GTF2B: variants seen among roughly 807,000 people sequenced by gnomAD.
GTF2B encodes general transcription factor IIB, also known as transcription initiation factor IIB.
In GTF2B, 20 loss-of-function variants were observed where a neutral mutation model predicts 34.6. That is an observed-to-expected ratio of 0.58 (90% confidence interval 0.41 to 0.84). GTF2B has a LOEUF of 0.84. Ranked by LOEUF, GTF2B falls within the 40% of genes least tolerant of loss-of-function variation. The pLI is 0.00. For missense variants in GTF2B, 237 were observed against 393.3 expected, an observed-to-expected ratio of 0.60 and a Z score of 3.36; for synonymous variants, 142 against 132.4, an observed-to-expected ratio of 1.07 and a Z score of -0.50.
At chr1:88,890,713 G>A (rs1674179538) in intron 1 of GTF2B, among the ~76,000 whole-genome samples, 1 of 152,174 alleles carries the variant, frequency 6.6e-6, no homozygotes, top group African/African-American at 2.4e-5. Flanking sequence ...ATTAGGGTCT[G>A]CAAGCATTTT....
chr1:88,869,756 A>T (rs189769723), intron 2 of GTF2B, among the ~76,000 whole-genome samples: 7 of 152,000 alleles, frequency 4.6e-5, no homozygotes, highest in African/African-American at 1.7e-4. Flanking sequence ...GCTTCCAAGT[A>T]GCTGGGATTA....
chr1:88,881,051 TG>T (rs112248948), intron 2 of GTF2B, among the ~76,000 whole-genome samples: 2,700 of 148,972 alleles, frequency 0.018, 84 homozygotes, highest in African/African-American at 0.064. Flanking sequence ...AAGGTACAAT[TG>T]GTCAGACATG....
intron 2 of GTF2B, among the ~76,000 whole-genome samples, chr1:88,865,516 G>GT (rs1321923425): frequency 1.3e-5 from 2 of 152,068 alleles, no homozygotes; most frequent in African/African-American, 4.8e-5. Context: ...GAGGTCAGGA[G>GT]TTTGAGACCA....
chr1:88,879,580 T>C (rs1292150985), intron 2 of GTF2B, among the ~76,000 whole-genome samples: 1 of 120,506 alleles, frequency 8.3e-6, no homozygotes, highest in Non-Finnish European at 1.9e-5. Flanking sequence ...TGAGATTCCA[T>C]CTTAAAAAAA....
intron 2 of GTF2B, among the ~76,000 whole-genome samples, chr1:88,870,140 A>G (rs1169794684): frequency 6.7e-6 from 1 of 148,684 alleles, no homozygotes; most frequent in African/African-American, 2.5e-5. Context: ...GTTAACCAGG[A>G]TGGTCTCGAT....
intron 3 of GTF2B, among the ~76,000 whole-genome samples, chr1:88,862,326 T>C (rs1483513506): frequency 2.6e-5 from 4 of 152,070 alleles, no homozygotes; most frequent in African/African-American, 9.7e-5. Flanking sequence ...GTGGATCACT[T>C]GAGCCCAAGA....
In GTF2B at chr1:88,857,327, A is replaced by G; in HGVS notation, c.696T>C (p.Ala232=). The stretch of plus-strand genomic sequence containing the variant: ...CCACAGCTTTACGGGCTATATGTGT[A>G]GCTGCCATCTGTACTTGTTTAGGAA... ...LCLPKQVQMA[A]THIARKAVEL... is the part of the protein sequence containing the mutation. Residue 232 remains alanine, a synonymous_variant, in exon 6 of 7, where the codon GCT becomes GCC. Coordinates refer to ENST00000370500, the MANE Select transcript of GTF2B (RefSeq NM_001514.6). The G allele has an allele frequency of 6.2e-7, 1 of 1,613,754 alleles. No individual in the cohort carries two copies. Among genetic ancestry groups the G allele is most frequent in the Non-Finnish European group, 8.5e-7 (1 of 1,179,672 alleles).
intron 1 of GTF2B, among the ~76,000 whole-genome samples, chr1:88,889,744 C>T (rs1033978315): frequency 1.3e-5 from 2 of 152,120 alleles, no homozygotes; most frequent in African/African-American, 4.8e-5. Flanking sequence ...TTAGGCTGGG[C>T]GCAGTGGCTC....
chr1:88,869,581 C>T (rs765410749), intron 2 of GTF2B, among the ~76,000 whole-genome samples: 30 of 152,094 alleles, frequency 2.0e-4, no homozygotes, highest in Non-Finnish European at 1.8e-4. Context: ...GAAATCAGTT[C>T]AGTGGCTATT....
chr1:88,857,866 G>C (rs1396584173), intron 5 of GTF2B, among the ~76,000 whole-genome samples: 1 of 151,688 alleles, frequency 6.6e-6, no homozygotes, highest in Non-Finnish European at 1.5e-5. Context: ...ATTTTTAGTA[G>C]AGATGGGGTT....
intron 2 of GTF2B, among the ~76,000 whole-genome samples, chr1:88,872,228 CG>C (rs1329754297): frequency 6.6e-6 from 1 of 151,628 alleles, no homozygotes; most frequent in Non-Finnish European, 1.5e-5. Context: ...CCAAGGTGGG[CG>C]GATCACCTGA....
intron 2 of GTF2B, among the ~76,000 whole-genome samples, chr1:88,884,761 TTACTG>T (rs1674024708): frequency 1.3e-5 from 2 of 152,236 alleles, no homozygotes; most frequent in African/African-American, 4.8e-5. Context: ...ATGTCCACGC[TTACTG>T]TATTCTTTTA....
At chr1:88,890,475 T>C (rs573986646) in intron 1 of GTF2B, among the ~76,000 whole-genome samples, 20 of 152,226 alleles carry the variant, frequency 1.3e-4, no homozygotes, top group Non-Finnish European at 2.6e-4. Context: ...ATTCCACAGA[T>C]GATAGCAGGG....
At chr1:88,877,630 C>T (rs1174622677) in intron 2 of GTF2B, among the ~76,000 whole-genome samples, 4 of 152,188 alleles carry the variant, frequency 2.6e-5, no homozygotes, top group Admixed American at 1.3e-4. Flanking sequence ...CAAAAGAGTG[C>T]TGTTAGAACA....
At chr1:88,886,702 G>A (rs1674076218) in intron 2 of GTF2B, among the ~76,000 whole-genome samples, 1 of 152,038 alleles carries the variant, frequency 6.6e-6, no homozygotes, top group African/African-American at 2.4e-5. Flanking sequence ...TGAAATTACT[G>A]GGGCCTTTTC....
At chr1:88,867,663 T>C (rs532396440) in intron 2 of GTF2B, among the ~76,000 whole-genome samples, 1 of 152,202 alleles carries the variant, frequency 6.6e-6, no homozygotes, top group Non-Finnish European at 1.5e-5. Context: ...ATCTTTTAAG[T>C]CTCTCTAGAA....
chr1:88,856,524 C>T (rs1487802341), intron 6 of GTF2B, among the ~76,000 whole-genome samples: 1 of 151,900 alleles, frequency 6.6e-6, no homozygotes, highest in African/African-American at 2.4e-5. Flanking sequence ...GAATCCCATG[C>T]CAAGCAGTGA....
intron 3 of GTF2B, among the ~76,000 whole-genome samples, chr1:88,863,401 T>A (rs1673487247): frequency 6.6e-6 from 1 of 152,288 alleles, no homozygotes; most frequent in Non-Finnish European, 1.5e-5. Flanking sequence ...TGGAGTTCAG[T>A]GGCGCGATCT....
intron 2 of GTF2B, among the ~76,000 whole-genome samples, chr1:88,884,305 C>T (rs190798552): frequency 7.2e-5 from 11 of 152,134 alleles, no homozygotes; most frequent in Admixed American, 3.9e-4. Flanking sequence ...GGATTACAGG[C>T]GTAAGCCGCT....
Sources: gnomAD v4.1 joint callset for allele counts (sites outside exome capture counted in the v4.1 genomes callset) on GRCh38, gnomAD v4.1.1 for gene constraint, MANE v1.5 for transcripts, NCBI Gene and HGNC (gene_info 2026-07-23, HGNC 2026-07-21) for gene names.